PTPRN2: variants seen among roughly 807,000 people sequenced by gnomAD.
PTPRN2 encodes the protein protein tyrosine phosphatase receptor type N2, also known as receptor-type tyrosine-protein phosphatase N2.
In PTPRN2, 74 loss-of-function variants were observed where a neutral mutation model predicts 118.8. That is an observed-to-expected ratio of 0.62 (90% CI 0.52 to 0.76). PTPRN2 has a LOEUF of 0.76. Among genes scored for constraint, PTPRN2 ranks in the 30% least tolerant of loss-of-function variants. The pLI is 0.00. For synonymous variants in PTPRN2, 641 were observed against 608.0 expected (o/e 1.05, Z -0.80); for missense variants, 1,481 against 1,394.4 (o/e 1.06, Z -0.99).
At chr7:157,970,894 C>T (rs1323591000) in intron 11 of PTPRN2, among the ~76,000 whole-genome samples, 2 of 152,216 alleles carry the variant, frequency 1.3e-5, no homozygotes, top group Non-Finnish European at 2.9e-5. Context: ...CCAAAGCTGG[C>T]TTGTCCCTGC....
chr7:158,169,620 C>T (rs1004758339), intron 5 of PTPRN2, among the ~76,000 whole-genome samples: 2 of 151,782 alleles, frequency 1.3e-5, no homozygotes, highest in Admixed American at 1.3e-4. Flanking sequence ...CATATATGAA[C>T]TTGGGTAAAT....
chr7:158,089,826 C>T (rs1336201078), intron 10 of PTPRN2, among the ~76,000 whole-genome samples: 1 of 105,298 alleles, frequency 9.5e-6, no homozygotes, highest in Non-Finnish European at 2.0e-5. Flanking sequence ...TCTTCACACA[C>T]ATCCTTCCTC....
chr7:157,697,593 A>G (rs865878802), intron 12 of PTPRN2, among the ~76,000 whole-genome samples: 60 of 116,984 alleles, frequency 5.1e-4, no homozygotes, highest in Middle Eastern at 0.011. Flanking sequence ...AGCCCTCACC[A>G]TCTACCCATG....
At chr7:157,658,302 T>C (rs557023588) in intron 13 of PTPRN2, among the ~76,000 whole-genome samples, 1 of 152,170 alleles carries the variant, frequency 6.6e-6, no homozygotes, top group African/African-American at 2.4e-5. Context: ...CAAAGCAATG[T>C]CCAAGAGCCC....
At chr7:158,554,612 A>C (rs569517673) in intron 1 of PTPRN2, among the ~76,000 whole-genome samples, 1 of 152,250 alleles carries the variant, frequency 6.6e-6, no homozygotes, top group East Asian at 1.9e-4. Context: ...GGATTTAAGG[A>C]ATATTTGAGA....
At chr7:157,663,534 G>A (rs544680450) in intron 13 of PTPRN2, among the ~76,000 whole-genome samples, 1 of 152,352 alleles carries the variant, frequency 6.6e-6, no homozygotes, top group East Asian at 1.9e-4. Context: ...ACGTTTGGCC[G>A]CTGCCTCTCC....
At position 158,269,763 on chromosome 7, in the gene PTPRN2, GAGGAACAGAGAC is replaced by G. The variant is rs1203392831; in HGVS notation, c.277+47044_277+47055del. On this transcript the variant is annotated intron_variant, in intron 3 of 22. Coordinates refer to ENST00000389418, the MANE Select transcript of PTPRN2 (RefSeq NM_002847.5). ...ACAGAGACAGAGAGAGACAGAGACAGAGGAACAGAGACAGAGAGAGAGACAAAGGGAGCAGGA... is the reference window on the plus strand; with the variant it reads ...ACAGAGACAGAGAGAGACAGAGACAGAGAGAGAGAGACAAAGGGAGCAGGA... Among the ~76,000 whole-genome samples the G allele has an allele frequency of 1.8e-4, 28 of 152,004 alleles. No homozygotes were observed. In the East Asian group the frequency reaches 2.1e-3, roughly 12 times the overall value.
chr7:157,921,051 A>G (rs1056848625), intron 11 of PTPRN2, among the ~76,000 whole-genome samples: 2 of 152,248 alleles, frequency 1.3e-5, no homozygotes, highest in African/African-American at 4.8e-5. Flanking sequence ...AGCTTAGTTC[A>G]TAATTGCCCA....
chr7:158,334,708 ACCTGCAGACGTCACACCCACACTCTCAC>A (rs1805250428), intron 2 of PTPRN2, among the ~76,000 whole-genome samples: 2 of 17,022 alleles, frequency 1.2e-4, no homozygotes, highest in Non-Finnish European at 2.9e-4. Flanking sequence ...AAGAGGTGAC[ACCTGCAGACGTCACACCCACACTCTCAC>A]CATAAGAGGT....
chr7:157,658,011 CAT>C (rs1416914004), intron 13 of PTPRN2, among the ~76,000 whole-genome samples: 1 of 151,470 alleles, frequency 6.6e-6, no homozygotes, highest in African/African-American at 2.4e-5. Context: ...ACCACACACA[CAT>C]ACACACATCA....
intron 12 of PTPRN2, among the ~76,000 whole-genome samples, chr7:157,852,511 T>C (rs114585776): frequency 4.6e-5 from 7 of 152,292 alleles, no homozygotes; most frequent in African/African-American, 1.7e-4. Context: ...CATTCAATGG[T>C]GAAGGAGTGT....
intron 2 of PTPRN2, among the ~76,000 whole-genome samples, chr7:158,429,542 C>T (rs1284471560): frequency 6.6e-6 from 1 of 152,212 alleles, no homozygotes; most frequent in Admixed American, 6.5e-5. Context: ...GATGTGCTAG[C>T]TCCCTCATTC....
chr7:157,672,534 A>G (rs924271805), intron 13 of PTPRN2, among the ~76,000 whole-genome samples: 1 of 152,140 alleles, frequency 6.6e-6, no homozygotes, highest in African/African-American at 2.4e-5. Context: ...AGGCCAGGAA[A>G]GGTGATTCCA....
intron 8 of PTPRN2, 111 bp downstream of exon 8, chr7:158,136,544 A>T: frequency 1.0e-6 from 1 of 993,498 alleles, no homozygotes; most frequent in Non-Finnish European, 1.5e-6. Flanking sequence ...GTTTCTCCAT[A>T]ATTTTCTGGG....
chr7:158,111,476 G>C (rs949554965), intron 9 of PTPRN2, among the ~76,000 whole-genome samples: 1 of 152,234 alleles, frequency 6.6e-6, no homozygotes, highest in Non-Finnish European at 1.5e-5. Flanking sequence ...GGCAAGAGCC[G>C]TCACCAGGGT....
At chr7:158,449,751 C>T (rs1162907294) in intron 2 of PTPRN2, among the ~76,000 whole-genome samples, 3 of 152,236 alleles carry the variant, frequency 2.0e-5, no homozygotes, top group South Asian at 2.1e-4. Flanking sequence ...ATCAGTTTCC[C>T]GCAGCCCCTG....
chr7:157,955,986 C>G (rs1054821887), intron 11 of PTPRN2, among the ~76,000 whole-genome samples: 5 of 152,234 alleles, frequency 3.3e-5, no homozygotes, highest in African/African-American at 7.2e-5. Context: ...CACATTCTGA[C>G]AGGTGCGTTT....
At chr7:158,230,562 G>C (rs116938591) in intron 3 of PTPRN2, among the ~76,000 whole-genome samples, 1 of 151,394 alleles carries the variant, frequency 6.6e-6, no homozygotes, top group South Asian at 2.1e-4. Context: ...TTTTTTCTTT[G>C]TTTCTATTCT....
At chr7:157,777,970 A>G (rs1365805956) in intron 12 of PTPRN2, among the ~76,000 whole-genome samples, 2 of 143,856 alleles carry the variant, frequency 1.4e-5, no homozygotes, top group African/African-American at 5.5e-5. Flanking sequence ...AAATCTTTAC[A>G]CCACAGCAAA....
Sources: gnomAD v4.1 joint callset for allele counts (sites outside exome capture counted in the v4.1 genomes callset) on GRCh38, gnomAD v4.1.1 for gene constraint, MANE v1.5 for transcripts, NCBI Gene and HGNC (gene_info 2026-07-23, HGNC 2026-07-21) for gene names.